PCDH15: variants seen among roughly 807,000 people sequenced by gnomAD.
The protein encoded by PCDH15 is protocadherin-15.
PCDH15 carries 129 observed loss-of-function variants against 178.5 expected under a neutral mutation model. The observed-to-expected ratio is 0.72, with a 90% CI of 0.63 to 0.84. The LOEUF is 0.84. PCDH15 is among the 40% of genes least tolerant of loss of function. The probability of loss-of-function intolerance (pLI) is 0.00; values close to 1 mark genes in which losing one functional copy is unlikely to be tolerated. For missense variants in PCDH15, 2,230 were observed against 2,099.9 expected (o/e 1.06, Z -1.21); for synonymous variants, 800 against 732.0 (o/e 1.09, Z -1.50).
intron 1 of PCDH15, among the ~76,000 whole-genome samples, chr10:55,303,294 T>G (rs1190646156): frequency 3.3e-5 from 5 of 152,182 alleles, no homozygotes; most frequent in Non-Finnish European, 5.9e-5. Context: ...TAAAATTTCA[T>G]TACTGAAGGG....
At chr10:54,041,772 A>C (rs1473990244) in intron 18 of PCDH15, among the ~76,000 whole-genome samples, 5 of 152,108 alleles carry the variant, frequency 3.3e-5, no homozygotes, top group Non-Finnish European at 7.4e-5. Context: ...ATTCAACAGC[A>C]TCCAGAACTC....
chr10:54,754,307 G>A (rs1184399504), intron 1 of PCDH15, among the ~76,000 whole-genome samples: 1 of 152,106 alleles, frequency 6.6e-6, no homozygotes, highest in Non-Finnish European at 1.5e-5. Flanking sequence ...CGAACATTGA[G>A]CCAAGGATGA....
intron 1 of PCDH15, among the ~76,000 whole-genome samples, chr10:54,754,028 C>A (rs1211282885): frequency 6.6e-6 from 1 of 150,924 alleles, no homozygotes; most frequent in African/African-American, 2.4e-5. Flanking sequence ...CAGGGTTTCA[C>A]CGTGTTAGCC....
intron 10 of PCDH15, among the ~76,000 whole-genome samples, chr10:54,199,297 G>A (rs1564661598): frequency 6.6e-6 from 1 of 151,940 alleles, no homozygotes. Flanking sequence ...GTGAAAATGT[G>A]TATTTTTGAA....
chr10:54,436,807 A>G, intron 3 of PCDH15, among the ~76,000 whole-genome samples: 1 of 112,606 alleles, frequency 8.9e-6, no homozygotes, highest in East Asian at 2.0e-4. Flanking sequence ...TAAATATGTA[A>G]CATCACAAAA....
intron 19 of PCDH15, among the ~76,000 whole-genome samples, chr10:54,022,118 CTT>C (rs112927953): frequency 6.9e-6 from 1 of 145,082 alleles, no homozygotes; most frequent in East Asian, 2.0e-4. Context: ...AAAATGGCTA[CTT>C]TTTTTTTTTT....
intron 1 of PCDH15, among the ~76,000 whole-genome samples, chr10:54,750,429 T>A (rs1454859407): frequency 6.6e-6 from 1 of 152,062 alleles, no homozygotes; most frequent in Non-Finnish European, 1.5e-5. Flanking sequence ...TGAATACAGG[T>A]AAGTTAGGGC....
intron 2 of PCDH15, among the ~76,000 whole-genome samples, chr10:54,956,397 TC>T (rs1838488070): frequency 6.6e-6 from 1 of 151,492 alleles, no homozygotes; most frequent in Non-Finnish European, 1.5e-5. Flanking sequence ...TAATAAATTA[TC>T]CAAAAAATAG....
chr10:55,164,346 A>T (rs181477288), intron 2 of PCDH15, among the ~76,000 whole-genome samples: 351 of 151,516 alleles, frequency 2.3e-3, no homozygotes, highest in African/African-American at 8.0e-3. Context: ...TGTTTCCTTG[A>T]CCTGTTAAGA....
chr10:54,213,706 T>C (rs1176888928), intron 10 of PCDH15, among the ~76,000 whole-genome samples: 1 of 152,150 alleles, frequency 6.6e-6, no homozygotes, highest in South Asian at 2.1e-4. Flanking sequence ...TTGTTACATA[T>C]AAGAATATTT....
chr10:54,057,390 C>T (rs34801628), intron 18 of PCDH15, among the ~76,000 whole-genome samples: 9,288 of 152,290 alleles, frequency 0.061, 396 homozygotes, highest in Middle Eastern at 0.14. Flanking sequence ...GTTCCCAAAC[C>T]TTAATTATTG....
intron 2 of PCDH15, among the ~76,000 whole-genome samples, chr10:55,451,281 G>A (rs1031289727): frequency 2.6e-5 from 4 of 151,908 alleles, no homozygotes; most frequent in Admixed American, 6.6e-5. Flanking sequence ...GGTGGATCAC[G>A]AGGTCAGGAG....
At chr10:53,819,710 C>T (rs535755258) in intron 33 of PCDH15, among the ~76,000 whole-genome samples, 1 of 151,992 alleles carries the variant, frequency 6.6e-6, no homozygotes, top group East Asian at 1.9e-4. Flanking sequence ...CTTTTCTCCT[C>T]TCTGGTTGTC....
At chr10:54,932,510 T>A (rs1200348351) in intron 2 of PCDH15, among the ~76,000 whole-genome samples, 1 of 152,212 alleles carries the variant, frequency 6.6e-6, no homozygotes, top group East Asian at 1.9e-4. Context: ...TAATTTATTA[T>A]TGAAAAGGCA....
intron 3 of PCDH15, among the ~76,000 whole-genome samples, chr10:54,515,544 C>T (rs1472610989): frequency 6.6e-6 from 1 of 152,242 alleles, no homozygotes; most frequent in Admixed American, 6.5e-5. Flanking sequence ...GTAGGCTCCA[C>T]CTCTGGGGGC....
chr10:54,459,150 T>C (rs1281739589), intron 3 of PCDH15, among the ~76,000 whole-genome samples: 1 of 152,060 alleles, frequency 6.6e-6, no homozygotes, highest in Non-Finnish European at 1.5e-5. Context: ...AGTGTGTCTG[T>C]GTGAGTGTGC....
chr10:54,822,648 C>A (rs1953065246), intron 3 of PCDH15, among the ~76,000 whole-genome samples: 1 of 151,930 alleles, frequency 6.6e-6, no homozygotes, highest in Non-Finnish European at 1.5e-5. Flanking sequence ...TGGATATATA[C>A]CAAGCTTCTG....
At chr10:55,271,460 G>A (rs1017366951) in intron 1 of PCDH15, among the ~76,000 whole-genome samples, 1 of 151,926 alleles carries the variant, frequency 6.6e-6, no homozygotes, top group Non-Finnish European at 1.5e-5. Context: ...AAAAGAGAAA[G>A]GGCTATGAGC....
chr10:55,508,310 A>G (rs1454160603), intron 2 of PCDH15, among the ~76,000 whole-genome samples: 1 of 151,722 alleles, frequency 6.6e-6, no homozygotes, highest in Admixed American at 6.6e-5. Flanking sequence ...CATATATTCT[A>G]TTAGAAATCA....
Sources: allele counts gnomAD v4.1 joint callset (sites outside exome capture counted in the v4.1 genomes callset), GRCh38; gene constraint gnomAD v4.1.1; transcripts MANE v1.5; gene names NCBI Gene and HGNC (gene_info 2026-07-23, HGNC 2026-07-21).